ASAP2: variants seen among roughly 807,000 people sequenced by gnomAD.
ASAP2 encodes the protein ArfGAP with SH3 domain, ankyrin repeat and PH domain 2.
ASAP2 carries 45 observed loss-of-function variants against 131.4 expected under a neutral mutation model. The ratio of observed to expected loss-of-function variants is 0.34; its 90% CI spans 0.27 to 0.44. The LOEUF is 0.44. Ranked by LOEUF, ASAP2 falls within the 20% of genes least tolerant of loss-of-function variation. The pLI, the probability that ASAP2 is intolerant of heterozygous loss-of-function variation, is 1.00. For missense variants in ASAP2, 1,011 were observed against 1,297.0 expected, an observed-to-expected ratio of 0.78 and a Z score of 3.39; for synonymous variants, 510 against 503.0, an observed-to-expected ratio of 1.01 and a Z score of -0.19.
Position 9,403,284 on chromosome 2 carries a change from A to G in ASAP2, c.2978A>G (p.Lys993Arg). The change falls in exon 28 of 28, where the codon AAA becomes AGA. Residue 993 changes from lysine to arginine, a missense_variant. Physicochemically the swap from Lys to Arg is conservative, Grantham distance 26 (BLOSUM62 2). This residue lies in a region of ASAP2 where 652 missense variants were observed against 698.9 expected (regional missense o/e 0.93). Transcript: ENST00000281419. ...CACATTGATGGAGATCCTGGTCGCAAAGGCGCATTCCCGGTGTCATTTGTG... is the reference window on the plus strand; with the variant it reads ...CACATTGATGGAGATCCTGGTCGCAGAGGCGCATTCCCGGTGTCATTTGTG... The part of the protein sequence containing the change: ...IGHIDGDPGR[K>R]GAFPVSFVHF... The G allele has an allele frequency of 3.7e-6, 6 of 1,614,174 alleles. No individual in the cohort carries two copies. The highest frequency in any genetic ancestry group is 5.1e-6 in the Non-Finnish European group (6 of 1,180,024).
chr2:9,342,735 T>G (rs551416658), intron 9 of ASAP2, among the ~76,000 whole-genome samples: 2 of 152,216 alleles, frequency 1.3e-5, no homozygotes, highest in Non-Finnish European at 2.9e-5. Context: ...GCCTGTGCCT[T>G]GGGATGCAGT....
intron 1 of ASAP2, among the ~76,000 whole-genome samples, chr2:9,253,075 C>T (rs887300179): frequency 3.9e-5 from 6 of 152,142 alleles, no homozygotes; most frequent in Admixed American, 6.5e-5. Context: ...AACAAAGAAA[C>T]GAAAGTCGTT....
At chr2:9,384,887 G>C (rs1387856210) in intron 20 of ASAP2, among the ~76,000 whole-genome samples, 1 of 152,360 alleles carries the variant, frequency 6.6e-6, no homozygotes, top group African/African-American at 2.4e-5. Context: ...TCAGAAAAGT[G>C]GGGGACGATA....
chr2:9,372,192 C>A (rs1428839174), intron 16 of ASAP2, among the ~76,000 whole-genome samples: 2 of 152,184 alleles, frequency 1.3e-5, no homozygotes, highest in African/African-American at 2.4e-5. Flanking sequence ...GACAACTGTC[C>A]AGTCTAACTG....
chr2:9,282,175 A>AGCCT (rs1393989646), intron 2 of ASAP2, among the ~76,000 whole-genome samples: 1 of 152,190 alleles, frequency 6.6e-6, no homozygotes, highest in South Asian at 2.1e-4. Context: ...CGCACATAAC[A>AGCCT]GCCTGGCATG....
chr2:9,312,794 C>G (rs1188943362), intron 3 of ASAP2, among the ~76,000 whole-genome samples: 3 of 152,178 alleles, frequency 2.0e-5, no homozygotes, highest in African/African-American at 7.2e-5. Context: ...CGTACACCCC[C>G]CTCTCCTGCC....
intron 1 of ASAP2, among the ~76,000 whole-genome samples, chr2:9,225,710 A>G (rs1408304821): frequency 6.6e-6 from 1 of 151,974 alleles, no homozygotes; most frequent in Non-Finnish European, 1.5e-5. Flanking sequence ...AGCAGGCTGG[A>G]AAGGTTAGGG....
intron 2 of ASAP2, among the ~76,000 whole-genome samples, chr2:9,286,404 A>G (rs1667462242): frequency 6.7e-6 from 1 of 150,058 alleles, no homozygotes; most frequent in South Asian, 2.1e-4. Flanking sequence ...TCTCCAAAAC[A>G]GAAAAAAAGG....
At chr2:9,265,634 A>G (rs2148224239) in intron 1 of ASAP2, among the ~76,000 whole-genome samples, 1 of 152,312 alleles carries the variant, frequency 6.6e-6, no homozygotes, top group African/African-American at 2.4e-5. Flanking sequence ...CTGTATCTTT[A>G]TATACAGAGT....
chr2:9,400,062 G>A lies in ASAP2; in HGVS notation c.2724G>A (p.Pro908=), dbSNP rs757750826. 6 of 1,613,312 alleles carry A rather than the reference G, an allele frequency of 3.7e-6. No homozygotes were observed. Among genetic ancestry groups the A allele is most frequent in the Middle Eastern group, 1.7e-4 (1 of 6,058 alleles). ...CCCCACTGACCAACAAAGGCCAACC[G>A]AGAGGACCTGGTAATTATTTAATTT... ...KSTPLTNKGQ[P]RGPVDLSATE... is the part of the protein sequence containing the mutation. The change falls in exon 25 of 28, where the codon CCG becomes CCA. Residue 908 remains proline (P), a synonymous_variant. Transcript: ENST00000281419.
At chr2:9,208,410 G>GTTTT (rs1558234532) in intron 1 of ASAP2, among the ~76,000 whole-genome samples, 25 of 145,340 alleles carry the variant, frequency 1.7e-4, no homozygotes, top group African/African-American at 6.3e-4. Context: ...TTTTTTTTCT[G>GTTTT]GTTTTTTTTT....
intron 1 of ASAP2, among the ~76,000 whole-genome samples, chr2:9,245,890 T>C (rs1664305332): frequency 6.6e-6 from 1 of 152,178 alleles, no homozygotes; most frequent in Admixed American, 6.5e-5. Context: ...CAATAAATAG[T>C]TTGTTATTGT....
At chr2:9,236,090 A>T (rs773633370) in intron 1 of ASAP2, among the ~76,000 whole-genome samples, 15 of 151,950 alleles carry the variant, frequency 9.9e-5, no homozygotes, top group Non-Finnish European at 1.5e-4. Flanking sequence ...ATGTTGAGAA[A>T]CGCTGGGTCA....
chr2:9,241,933 A>G (rs1362493690), intron 1 of ASAP2, among the ~76,000 whole-genome samples: 3 of 152,112 alleles, frequency 2.0e-5, no homozygotes, highest in Admixed American at 6.6e-5. Flanking sequence ...AGCATGTTAG[A>G]CAGATTAAGA....
At chr2:9,286,258 C>T (rs527314250) in intron 2 of ASAP2, among the ~76,000 whole-genome samples, 1 of 151,922 alleles carries the variant, frequency 6.6e-6, no homozygotes, top group Non-Finnish European at 1.5e-5. Flanking sequence ...ATTAGCTGGG[C>T]ATGATGGTGT....
Position 9,320,336 on chromosome 2 carries a change from A to G in ASAP2, c.469A>G (p.Ile157Val), listed in dbSNP as rs1334784896. ...AGCTTGGAAGGACTATGAAACAAAA[A>G]TGTGAGTGTTCTCGTTTTTAAATTT... ...DKAWKDYETK[I>V]TKIEKEKKEH... The change falls in exon 5 of 28, where the codon ATA becomes GTA. Residue 157 changes from isoleucine to valine, a missense_variant and splice_region_variant. By Grantham distance (29) the Ile-to-Val change is conservative. Coordinates refer to ENST00000281419, the MANE Select transcript of ASAP2 (RefSeq NM_003887.3). 6.2e-7 allele frequency: 1 copy of G among 1,608,694 alleles called. No individual in the cohort carries two copies. The highest frequency in any genetic ancestry group is 2.2e-5 in the East Asian group (1 of 44,746).
At chr2:9,222,859 G>T (rs1572191072) in intron 1 of ASAP2, among the ~76,000 whole-genome samples, 1 of 152,208 alleles carries the variant, frequency 6.6e-6, no homozygotes, top group Middle Eastern at 3.4e-3. Flanking sequence ...TGGGGACTGG[G>T]ATGCTTATGC....
At chr2:9,287,095 G>A (rs908002490) in intron 2 of ASAP2, among the ~76,000 whole-genome samples, 4 of 152,264 alleles carry the variant, frequency 2.6e-5, no homozygotes, top group Non-Finnish European at 5.9e-5. Context: ...AGTTGGAGGA[G>A]CTGAGATTCA....
At position 9,207,588 on chromosome 2, in the gene ASAP2, G is replaced by C. The variant is rs1661210501; in HGVS notation, c.126+358G>C. Among the ~76,000 whole-genome samples the C allele has an allele frequency of 6.6e-6, 1 of 152,132 alleles. No individual in the cohort carries two copies. Among genetic ancestry groups the C allele is most frequent in the Non-Finnish European group, 1.5e-5 (1 of 68,014 alleles). On this transcript the variant is annotated intron_variant, in intron 1 of 27. Transcript: ENST00000281419. The surrounding 1 kb of genome is among the most constrained non-coding windows in gnomAD (Gnocchi z 4.1). ...CCGCCGCCCGGGGTCTTTGGTACCCGGTGCGGACCTTATCAACTTGTTCTT... is the reference window on the plus strand; with the variant it reads ...CCGCCGCCCGGGGTCTTTGGTACCCCGTGCGGACCTTATCAACTTGTTCTT...
Sources: allele counts gnomAD v4.1 joint callset (sites outside exome capture counted in the v4.1 genomes callset), GRCh38; gene constraint gnomAD v4.1.1; regional missense constraint gnomAD v4.1.1; non-coding constraint Gnocchi (gnomAD v3.1); transcripts MANE v1.5; gene names NCBI Gene and HGNC (gene_info 2026-07-23, HGNC 2026-07-21).